The following PSMC3 variants were observed in gnomAD, a reference collection of about 807,000 sequenced individuals.
PSMC3 encodes the protein proteasome 26S subunit, ATPase 3.
PSMC3 carries 11 observed loss-of-function variants against 52.0 expected under a neutral mutation model. The observed-to-expected ratio is 0.21, with a 90% confidence interval of 0.13 to 0.35. The LOEUF (loss-of-function observed/expected upper bound fraction) is 0.35. PSMC3 is among the 10% of genes least tolerant of loss of function. PSMC3 has a pLI of 1.00. For synonymous variants in PSMC3, 201 were observed against 218.8 expected (o/e 0.92, Z 0.72); for missense variants, 238 against 567.1 (o/e 0.42, Z 5.89).
intron 6 of PSMC3, among the ~76,000 whole-genome samples, chr11:47,423,608 G>A (rs1405173957): frequency 1.3e-5 from 2 of 152,102 alleles, no homozygotes; most frequent in South Asian, 2.1e-4. Context: ...CCAACATGGA[G>A]AAACCCCGTC....
intron 2 of PSMC3, 39 bp downstream of exon 2, chr11:47,425,828 G>A (rs771206574): frequency 6.3e-7 from 1 of 1,584,862 alleles, no homozygotes; most frequent in Non-Finnish European, 8.6e-7. Context: ...GGCCTGTCCT[G>A]TGGGGGCTCC....
chr11:47,420,580 G>C, intron 9 of PSMC3, 51 bp downstream of exon 9: 1 of 1,530,660 alleles, frequency 6.5e-7, no homozygotes. Flanking sequence ...GGGCCTGACA[G>C]CTCCTGACCT....
Position 47,425,482 on chromosome 11 carries a change from CGA to C in PSMC3, c.160-238_160-237del. ...TAGTATTGGAATAAAAGCAGGCCTC[CGA>C]GAGAGGCAAACATAGGTTTTAGGTT... On this transcript the variant is annotated intron_variant, in intron 2 of 11. Coordinates refer to ENST00000298852, the MANE Select transcript of PSMC3 (RefSeq NM_002804.5). 6.8e-6 allele frequency: 4 copies of C among 588,942 alleles called. No individual in the cohort carries two copies. In the South Asian group the frequency reaches 8.5e-5, roughly 13 times the overall value. 36.5% of individuals were successfully genotyped at this position (588,942 alleles called of 1,614,324 possible).
At position 47,425,220 on chromosome 11, in the gene PSMC3, G is replaced by T; in HGVS notation, c.186C>A (p.Val62=). ...CCTTCATGGCTTGGAGCTCATGGGT[G>T]ACTCTCAACACTTCACTCTTCATGA... ...IKIMKSEVLR[V]THELQAMKDK... is the part of the protein sequence containing the mutation. The change falls in exon 3 of 12, where the codon GTC becomes GTA. Residue 62 remains valine (V), a synonymous_variant. Coordinates refer to ENST00000298852, the MANE Select transcript of PSMC3 (RefSeq NM_002804.5). The T allele has an allele frequency of 6.2e-7, 1 of 1,614,102 alleles. No individual in the cohort carries two copies. Among genetic ancestry groups the T allele is most frequent in the Non-Finnish European group, 8.5e-7 (1 of 1,179,974 alleles).
Position 47,422,522 on chromosome 11 carries a change from C to A in PSMC3, c.884+52G>T. On this transcript the variant is annotated intron_variant, in intron 8 of 11. Transcript: ENST00000298852. The surrounding 1 kb of genome is among the most constrained non-coding windows in gnomAD (Gnocchi z 4.3). ...AATTTAGCACAACTGAGAGTCAACCCGCTTCCCCTTACCGCCACAGAGATC... is the reference window on the plus strand; with the variant it reads ...AATTTAGCACAACTGAGAGTCAACCAGCTTCCCCTTACCGCCACAGAGATC... 1 of 1,602,114 alleles carries A rather than the reference C, an allele frequency of 6.2e-7. No homozygotes were observed. Among genetic ancestry groups the A allele is most frequent in the Non-Finnish European group, 8.5e-7 (1 of 1,171,958 alleles).
At chr11:47,421,754 G>A (rs1185079752) in intron 8 of PSMC3, among the ~76,000 whole-genome samples, 2 of 151,670 alleles carry the variant, frequency 1.3e-5, no homozygotes, top group Non-Finnish European at 2.9e-5. Flanking sequence ...CCAAGTTCAA[G>A]TGATTCTCCT....
chr11:47,425,050 C>T, intron 3 of PSMC3, 71 bp downstream of exon 3: 1 of 1,600,582 alleles, frequency 6.2e-7, no homozygotes, highest in Non-Finnish European at 8.5e-7. Flanking sequence ...CACTCTTTCC[C>T]TAGTGGCCCC....
intron 1 of PSMC3, 112 bp downstream of exon 1, chr11:47,426,093 C>G: frequency 7.0e-7 from 1 of 1,433,032 alleles, no homozygotes; most frequent in African/African-American, 1.4e-5. Context: ...CCCAAACAAC[C>G]CCGTCCCCGG....
intron 6 of PSMC3, among the ~76,000 whole-genome samples, chr11:47,423,713 C>T (rs933562778): frequency 4.6e-5 from 7 of 152,040 alleles, no homozygotes; most frequent in Admixed American, 1.3e-4. Flanking sequence ...TGCTTGAACC[C>T]GGGAGGCAGA....
rs1386684729 is a variant in PSMC3 at position 47,426,292 on chromosome 11, CG to C, written c.-14del. 1.9e-6 allele frequency: 3 copies of C among 1,549,766 alleles called. No individual in the cohort carries two copies. The highest frequency in any genetic ancestry group is 2.6e-6 in the Non-Finnish European group (3 of 1,145,858). On this transcript the variant is annotated 5_prime_UTR_variant, in exon 1 of 12. Transcript: ENST00000298852. ...GCAGCAGATTCATTTCCTGGAGGAGCGGGCAGAAGATGGGACCAGGCGGGAG... is the reference window on the plus strand; with the variant it reads ...GCAGCAGATTCATTTCCTGGAGGAGCGGCAGAAGATGGGACCAGGCGGGAG...
Position 47,424,715 on chromosome 11 carries a change from G to C in PSMC3, c.286-4C>G, listed in dbSNP as rs550620623. 1 of 1,605,756 alleles carries C rather than the reference G, an allele frequency of 6.2e-7. No homozygotes were observed. Among genetic ancestry groups the C allele is most frequent in the Non-Finnish European group, 8.5e-7 (1 of 1,172,586 alleles). On this transcript the variant is annotated splice_polypyrimidine_tract_variant and splice_region_variant and intron_variant, in intron 3 of 11. Transcript: ENST00000298852. The surrounding 1 kb of genome is among the most constrained non-coding windows in gnomAD (Gnocchi z 4.8). Reference sequence around the variant, plus strand: ...CATTAGGATCAACATCCAGGAGCTGGGAAGGAAAAAATACTCAGCTCCTTG... The same window carrying C: ...CATTAGGATCAACATCCAGGAGCTGCGAAGGAAAAAATACTCAGCTCCTTG...
rs551635028 is a variant in PSMC3 at position 47,421,942 on chromosome 11, G to A, written c.884+632C>T. On this transcript the variant is annotated intron_variant, in intron 8 of 11. Coordinates refer to ENST00000298852, the MANE Select transcript of PSMC3 (RefSeq NM_002804.5). ...GTAGGGAATACAGGAGTGAGCCACTGCACCCAGCCAGGGTTTTTAACAGGA... is the reference window on the plus strand; with the variant it reads ...GTAGGGAATACAGGAGTGAGCCACTACACCCAGCCAGGGTTTTTAACAGGA... Among the ~76,000 whole-genome samples, 3 of 152,216 alleles carry A rather than the reference G, an allele frequency of 2.0e-5. No homozygotes were observed. The South Asian group carries it at 6.2e-4, about 32-fold the overall frequency.
Position 47,422,640 on chromosome 11 carries a change from G to A in PSMC3, c.818C>T (p.Ala273Val). The change falls in exon 8 of 12, where the codon GCC (alanine) becomes GTC (valine). Residue 273 changes from alanine (A) to valine (V), a missense_variant. Around this residue, in one of 6 missense-constraint regions of PSMC3, gnomAD observed 46 missense variants for 172.9 expected, o/e 0.27. Transcript: ENST00000298852. This position sits in a 1 kb window ranked among gnomAD's most constrained non-coding sequence, Gnocchi z 4.3. The stretch of plus-strand genomic sequence containing the variant: ...AGAGGGCGCTTTCTCCTTGGCCAGG[G>A]CAAAGGCATCCCGGACTAGCTTGGC... The part of the protein sequence containing the change: ...DGAKLVRDAF[A>V]LAKEKAPSII... 1 of 1,614,166 alleles carries A rather than the reference G, an allele frequency of 6.2e-7. No homozygotes were observed. Among genetic ancestry groups the A allele is most frequent in the Non-Finnish European group, 8.5e-7 (1 of 1,180,034 alleles).
At position 47,425,189 on chromosome 11, in the gene PSMC3, T is replaced by A; in HGVS notation, c.217A>T (p.Ile73Leu). ...THELQAMKDKIKENSEKIKVN... is the reference protein window; with the variant it reads ...THELQAMKDKLKENSEKIKVN... Reference sequence around the variant, plus strand: ...TTGATTTTCTCACTGTTCTCTTTTATCTTGTCCTTCATGGCTTGGAGCTCA... The same window carrying A: ...TTGATTTTCTCACTGTTCTCTTTTAACTTGTCCTTCATGGCTTGGAGCTCA... The change falls in exon 3 of 12, where the codon ATA becomes TTA. Residue 73 changes from isoleucine (I) to leucine (L), a missense_variant. By Grantham distance (5) the Ile-to-Leu change is conservative (BLOSUM62 2). This residue lies in a region of PSMC3 where 21 missense variants were observed against 95.6 expected (regional missense o/e 0.22). Transcript: ENST00000298852. 6.2e-7 allele frequency: 1 copy of A among 1,614,166 alleles called. No individual in the cohort carries two copies. Among genetic ancestry groups the A allele is most frequent in the Non-Finnish European group, 8.5e-7 (1 of 1,179,994 alleles).
At chr11:47,426,156 T>A in intron 1 of PSMC3, 49 bp downstream of exon 1, 1 of 1,527,186 alleles carries the variant, frequency 6.5e-7, no homozygotes, top group Non-Finnish European at 8.9e-7. Context: ...GTCAATGGCG[T>A]CTCCCTGCGG....
chr11:47,419,041 C>T (rs1174169941), intron 11 of PSMC3, 75 bp downstream of exon 11: 1 of 1,608,524 alleles, frequency 6.2e-7, no homozygotes, highest in Non-Finnish European at 8.5e-7. Context: ...TCTCCACCAG[C>T]CAAATGCCCC....
rs2096045266 is a variant in PSMC3, at chr11:47,425,422, GAGGCCAGTTTGGAA to G, written c.160-190_160-177del. On this transcript the variant is annotated intron_variant, in intron 2 of 11. Transcript: ENST00000298852. Reference sequence around the variant, plus strand: ...CCACATCCTGCAGAAGTCAAAAGAGGAGGCCAGTTTGGAAACCTCCTGGTGAAATAGTGGTAGTA... The same window carrying G: ...CCACATCCTGCAGAAGTCAAAAGAGGACCTCCTGGTGAAATAGTGGTAGTA... 8 of 757,118 alleles carry G rather than the reference GAGGCCAGTTTGGAA, an allele frequency of 1.1e-5. No individual in the cohort carries two copies. In the South Asian group the frequency reaches 1.5e-4, roughly 14 times the overall value. 46.9% of individuals were successfully genotyped at this position (757,118 alleles called of 1,614,324 possible).
At chr11:47,420,595 G>A in intron 9 of PSMC3, 36 bp downstream of exon 9, 2 of 1,541,152 alleles carry the variant, frequency 1.3e-6, no homozygotes, top group South Asian at 2.4e-5. Flanking sequence ...TGACCTCTGA[G>A]CCTCATCATC....
chr11:47,425,379 G>A (rs1488887886), intron 2 of PSMC3, 133 bp from the exon 3 acceptor site: 2 of 1,130,282 alleles, frequency 1.8e-6, no homozygotes, highest in African/African-American at 1.5e-5. Flanking sequence ...GCTCTCTGAA[G>A]GCAGAGTCTG....
Sources: allele counts gnomAD v4.1 joint callset (sites outside exome capture counted in the v4.1 genomes callset), GRCh38; gene constraint gnomAD v4.1.1; regional missense constraint gnomAD v4.1.1; non-coding constraint Gnocchi (gnomAD v3.1); transcripts MANE v1.5; gene names NCBI Gene and HGNC (gene_info 2026-07-23, HGNC 2026-07-21).